ANK3: variants seen among roughly 807,000 people sequenced by gnomAD.
The protein encoded by ANK3 is ankyrin-3.
Under a neutral mutation model 370.9 loss-of-function variants are expected in ANK3, and 57 were observed. That is an observed-to-expected ratio of 0.15 (90% CI 0.12 to 0.19). The LOEUF (loss-of-function observed/expected upper bound fraction) is 0.19. Ranked by LOEUF, ANK3 falls within the 10% of genes least tolerant of loss-of-function variation. The probability of loss-of-function intolerance (pLI) is 1.00; values close to 1 mark genes in which losing one functional copy is unlikely to be tolerated. For synonymous variants in ANK3, 1,929 were observed against 1,946.3 expected (o/e 0.99, Z 0.23); for missense variants, 4,439 against 5,302.1 (o/e 0.84, Z 5.06).
At chr10:60,059,930 A>G (rs1222533405) in intron 40 of ANK3, 2 of 1,614,094 alleles carry the variant, frequency 1.2e-6, no homozygotes, top group Non-Finnish European at 1.7e-6. Flanking sequence ...TAAAATAATC[A>G]TCTTGCTGGA....
At chr10:60,309,352 A>G (rs2045860281) in intron 1 of ANK3, among the ~76,000 whole-genome samples, 1 of 152,216 alleles carries the variant, frequency 6.6e-6, no homozygotes, top group African/African-American at 2.4e-5. Flanking sequence ...AAAACTCACA[A>G]TTGATTATGA....
intron 5 of ANK3, among the ~76,000 whole-genome samples, chr10:60,268,076 C>A (rs2097908786): frequency 6.6e-6 from 1 of 152,160 alleles, no homozygotes; most frequent in Non-Finnish European, 1.5e-5. Flanking sequence ...CAGGTGCAAC[C>A]ACAGAGCACT....
At chr10:60,499,590 A>G (rs914067013) in intron 2 of ANK3, among the ~76,000 whole-genome samples, 6 of 152,188 alleles carry the variant, frequency 3.9e-5, no homozygotes, top group African/African-American at 9.6e-5. Context: ...CCACATTCAT[A>G]AGGGATACTT....
intron 25 of ANK3, among the ~76,000 whole-genome samples, chr10:60,127,771 T>C (rs909801984): frequency 1.3e-5 from 2 of 149,534 alleles, no homozygotes; most frequent in South Asian, 2.1e-4. Flanking sequence ...CGATCTCGGC[T>C]CACTGCAACC....
chr10:60,259,644 A>G (rs1302469848), intron 7 of ANK3, among the ~76,000 whole-genome samples: 1 of 152,196 alleles, frequency 6.6e-6, no homozygotes, highest in Non-Finnish European at 1.5e-5. Context: ...ATACTGTAAT[A>G]TGTCCTCTTA....
At chr10:60,713,580 G>C (rs1332765181) in intron 1 of ANK3, among the ~76,000 whole-genome samples, 1 of 152,004 alleles carries the variant, frequency 6.6e-6, no homozygotes, top group Non-Finnish European at 1.5e-5. Flanking sequence ...AAAGCAAGCA[G>C]AAAAGAAGAA....
At chr10:60,137,973 A>G (rs2132203611) in intron 24 of ANK3, among the ~76,000 whole-genome samples, 1 of 152,268 alleles carries the variant, frequency 6.6e-6, no homozygotes, top group South Asian at 2.1e-4. Flanking sequence ...TGTTAATGAC[A>G]CCTGCTACAA....
Position 60,389,785 on chromosome 10 carries a change from C to A in ANK3, c.-247G>T. The stretch of plus-strand genomic sequence containing the variant: ...AACCTTTACAGGAGAGTGCAGCCAT[C>A]GTAATGCATTTACCGTAGTGAAGAA... On this transcript the variant is annotated 5_prime_UTR_variant, in exon 1 of 44. Coordinates refer to ENST00000280772, the MANE Select transcript of ANK3 (RefSeq NM_020987.5). 3 of 1,313,384 alleles carry A rather than the reference C, an allele frequency of 2.3e-6. No individual in the cohort carries two copies. Among genetic ancestry groups the A allele is most frequent in the East Asian group, 3.2e-5 (1 of 31,242 alleles). 81.4% of individuals were successfully genotyped at this position (1,313,384 alleles called of 1,614,324 possible).
chr10:60,417,533 T>C (rs2063693446), intron 2 of ANK3, among the ~76,000 whole-genome samples: 1 of 152,194 alleles, frequency 6.6e-6, no homozygotes, highest in African/African-American at 2.4e-5. Flanking sequence ...GCAGGCATTG[T>C]TTGCAGCTGG....
At chr10:60,132,701 C>G (rs2094148789) in intron 25 of ANK3, among the ~76,000 whole-genome samples, 1 of 151,762 alleles carries the variant, frequency 6.6e-6, no homozygotes, top group South Asian at 2.1e-4. Flanking sequence ...ACTGCAAACT[C>G]TGCCTCCCAG....
intron 2 of ANK3, among the ~76,000 whole-genome samples, chr10:60,542,516 C>G (rs912009711): frequency 8.6e-5 from 13 of 151,652 alleles, no homozygotes; most frequent in Admixed American, 5.9e-4. Flanking sequence ...TTTAAAAATA[C>G]CTTATAGCAG....
intron 1 of ANK3, among the ~76,000 whole-genome samples, chr10:60,679,645 G>T (rs140128293): frequency 6.6e-6 from 1 of 152,272 alleles, no homozygotes; most frequent in East Asian, 1.9e-4. Context: ...CGTGCATGCG[G>T]ATAGCCTACC....
intron 2 of ANK3, among the ~76,000 whole-genome samples, chr10:60,448,824 G>GCAAA (rs1392942455): frequency 2.0e-5 from 3 of 152,226 alleles, no homozygotes; most frequent in Admixed American, 2.0e-4. Flanking sequence ...CTCCAACTGA[G>GCAAA]CAAACACAAG....
At chr10:60,185,020 G>C (rs1312329852) in intron 17 of ANK3, among the ~76,000 whole-genome samples, 1 of 152,046 alleles carries the variant, frequency 6.6e-6, no homozygotes, top group African/African-American at 2.4e-5. Context: ...CTCTAAATTG[G>C]TATATAAAAC....
chr10:60,317,744 C>T (rs1303380759), intron 1 of ANK3, among the ~76,000 whole-genome samples: 75 of 142,508 alleles, frequency 5.3e-4, no homozygotes, highest in African/African-American at 1.6e-3. Context: ...GACGGAGTCT[C>T]GCTCTGTCAC....
At chr10:60,049,298 A>G (rs2077475221) in intron 42 of ANK3, among the ~76,000 whole-genome samples, 3 of 152,264 alleles carry the variant, frequency 2.0e-5, no homozygotes, top group African/African-American at 7.2e-5. Flanking sequence ...TAACTTCAAG[A>G]AGTAATGGGT....
rs71015756 is a variant in ANK3 at position 60,029,875 on chromosome 10, C to CTTTTTTTTTTTTTTTTTTTT, written c.*20-69_*20-50dup. The CTTTTTTTTTTTTTTTTTTTT allele has an allele frequency of 6.0e-4, 41 of 68,652 alleles. 3 individuals are homozygous for CTTTTTTTTTTTTTTTTTTTT. Among genetic ancestry groups the CTTTTTTTTTTTTTTTTTTTT allele is most frequent in the African/African-American group, 1.5e-3 (22 of 15,142 alleles). 4.3% of individuals were successfully genotyped at this position (68,652 alleles called of 1,614,324 possible). ...TGAGTTTAGCTTTCTTTTTCTTTTT[C>CTTTTTTTTTTTTTTTTTTTT]TTTTTTTTTTTTTTTTTTTTTTTTT... On this transcript the variant is annotated intron_variant, in intron 43 of 43. Coordinates refer to ENST00000280772, the MANE Select transcript of ANK3 (RefSeq NM_020987.5).
chr10:60,312,873 G>A (rs2132853778), intron 1 of ANK3, among the ~76,000 whole-genome samples: 1 of 152,262 alleles, frequency 6.6e-6, no homozygotes, highest in Non-Finnish European at 1.5e-5. Flanking sequence ...CTAGAGCTGG[G>A]CATTTTCTCT....
At chr10:60,560,984 A>C (rs1265999482) in intron 2 of ANK3, among the ~76,000 whole-genome samples, 1 of 152,234 alleles carries the variant, frequency 6.6e-6, no homozygotes, top group Non-Finnish European at 1.5e-5. Flanking sequence ...AAATATTCCA[A>C]AGAGATTTTT....
Sources: gnomAD v4.1 joint callset for allele counts (sites outside exome capture counted in the v4.1 genomes callset) on GRCh38, gnomAD v4.1.1 for gene constraint, MANE v1.5 for transcripts, NCBI Gene and HGNC (gene_info 2026-07-23, HGNC 2026-07-21) for gene names.